The following LAMA4 variants were observed in gnomAD, a reference collection of about 807,000 sequenced individuals.
LAMA4 encodes laminin subunit alpha 4, also known as laminin subunit alpha-4.
Under a neutral mutation model 207.1 loss-of-function variants are expected in LAMA4, and 127 were observed. The ratio of observed to expected loss-of-function variants is 0.61; its 90% confidence interval spans 0.53 to 0.71. The LOEUF (loss-of-function observed/expected upper bound fraction) is 0.71. Among genes scored for constraint, LAMA4 ranks in the 30% least tolerant of loss-of-function variants. The pLI, the probability that LAMA4 is intolerant of heterozygous loss-of-function variation, is 0.00. For missense variants in LAMA4, 2,093 were observed against 2,246.5 expected, an observed-to-expected ratio of 0.93 and a Z score of 1.38; for synonymous variants, 761 against 816.0, an observed-to-expected ratio of 0.93 and a Z score of 1.15.
At chr6:112,161,248 T>C (rs1304081601) in intron 13 of LAMA4, among the ~76,000 whole-genome samples, 1 of 152,226 alleles carries the variant, frequency 6.6e-6, no homozygotes, top group Non-Finnish European at 1.5e-5. Context: ...TATTCATTCA[T>C]GTGTCAAATG....
intron 25 of LAMA4, among the ~76,000 whole-genome samples, chr6:112,134,973 T>C (rs1183070509): frequency 2.6e-5 from 4 of 152,222 alleles, no homozygotes; most frequent in South Asian, 2.1e-4. Context: ...TCAAGTCTAG[T>C]TGACATACAA....
chr6:112,254,001 C>T lies in LAMA4; in HGVS notation c.150G>A (p.Thr50=), dbSNP rs538596272. Reference sequence around the variant, plus strand: ...GTCCCAGAGCCACGCGGGGTTCGCTCGTCTCAGGCGGGTCTTGCCTGCCAA... The same window carrying T: ...GTCCCAGAGCCACGCGGGGTTCGCTTGTCTCAGGCGGGTCTTGCCTGCCAA... ...SAVGRQDPPE[T]SEPRVALGRL... The change falls in exon 2 of 39, where the codon ACG becomes ACA. Residue 50 remains threonine, a synonymous_variant. Coordinates refer to ENST00000230538, the MANE Select transcript of LAMA4 (RefSeq NM_001105206.3). The T allele has an allele frequency of 2.2e-5, 35 of 1,586,718 alleles. No homozygotes were observed. The highest frequency in any genetic ancestry group is 2.8e-5 in the Non-Finnish European group (33 of 1,165,978).
chr6:112,194,227 G>C (rs1554349887), intron 5 of LAMA4, among the ~76,000 whole-genome samples: 1 of 152,236 alleles, frequency 6.6e-6, no homozygotes, highest in African/African-American at 2.4e-5. Context: ...CGACTGAAAT[G>C]AGACTCAGAT....
intron 5 of LAMA4, among the ~76,000 whole-genome samples, chr6:112,196,906 G>A (rs1783453926): frequency 6.6e-6 from 1 of 152,180 alleles, no homozygotes; most frequent in Non-Finnish European, 1.5e-5. Context: ...ATAGACAGAG[G>A]AGGGATAAGG....
intron 12 of LAMA4, among the ~76,000 whole-genome samples, chr6:112,168,636 G>T (rs1001074593): frequency 1.3e-5 from 2 of 151,986 alleles, no homozygotes; most frequent in Non-Finnish European, 2.9e-5. Context: ...GTGAGCCACC[G>T]AGCCAGCATT....
At chr6:112,132,977 C>T (rs1583670888) in intron 27 of LAMA4, 87 bp from the exon 28 acceptor site, 1 of 1,354,046 alleles carries the variant, frequency 7.4e-7, no homozygotes, top group Non-Finnish European at 1.0e-6. Flanking sequence ...AAGGCCTTGC[C>T]TGTTAATTTC....
At position 112,254,266 on chromosome 6, in the gene LAMA4, T is replaced by A; in HGVS notation, c.-116A>T. 1 of 1,330,646 alleles carries A rather than the reference T, an allele frequency of 7.5e-7. No individual in the cohort carries two copies. The highest frequency in any genetic ancestry group is 1.4e-5 in the African/African-American group (1 of 69,510). 82.4% of individuals were successfully genotyped at this position (1,330,646 alleles called of 1,614,324 possible). A position where few individuals can be genotyped will look rare whatever the true frequency, so the allele number is the denominator to read the frequency against. The stretch of plus-strand genomic sequence containing the variant: ...TTTTCCCTCCTCTCCGTGTGCAGTA[T>A]CCCGAGGTGGCTGCGCAACCAGCAG... On this transcript the variant is annotated 5_prime_UTR_variant, in exon 2 of 39. Coordinates refer to ENST00000230538, the MANE Select transcript of LAMA4 (RefSeq NM_001105206.3).
intron 18 of LAMA4, among the ~76,000 whole-genome samples, 162 bp downstream of exon 18, chr6:112,147,995 T>C (rs1403648901): frequency 6.6e-6 from 1 of 152,212 alleles, no homozygotes; most frequent in African/African-American, 2.4e-5. Flanking sequence ...TATAGATAGA[T>C]AGATAGATGA....
intron 2 of LAMA4, among the ~76,000 whole-genome samples, chr6:112,222,221 T>C (rs1163575486): frequency 2.0e-5 from 3 of 152,218 alleles, no homozygotes; most frequent in African/African-American, 7.2e-5. Context: ...ATAATTGAAA[T>C]TCCCCACATT....
intron 19 of LAMA4, among the ~76,000 whole-genome samples, chr6:112,143,106 A>G (rs1304328966): frequency 6.6e-6 from 1 of 152,102 alleles, no homozygotes; most frequent in African/African-American, 2.4e-5. Context: ...AGTATTTACA[A>G]GTGTATGGAT....
At chr6:112,114,831 C>A in intron 36 of LAMA4, 75 bp from the exon 37 acceptor site, 1 of 1,056,632 alleles carries the variant, frequency 9.5e-7, no homozygotes, top group Admixed American at 1.7e-5. Flanking sequence ...AAATAATTTA[C>A]CACAGTGAAG....
In LAMA4 at chr6:112,155,724, T is replaced by C. The variant is rs782458633; in HGVS notation, c.1818-18A>G. 7.4e-6 allele frequency: 12 copies of C among 1,613,376 alleles called. No individual in the cohort carries two copies. The South Asian group carries it at 1.3e-4, about 18-fold the overall frequency. On this transcript the variant is annotated intron_variant, in intron 14 of 38. Transcript: ENST00000230538. ...GCAACTTCCTGTTAATAAACAAACA[T>C]TGTTATTTCTCCTTCTTACCTTCTT...
At chr6:112,200,955 A>G (rs1474257551) in intron 5 of LAMA4, among the ~76,000 whole-genome samples, 1 of 152,078 alleles carries the variant, frequency 6.6e-6, no homozygotes, top group African/African-American at 2.4e-5. Flanking sequence ...TGGGTGCAGC[A>G]AACCACCATG....
At chr6:112,213,020 G>C in intron 3 of LAMA4, among the ~76,000 whole-genome samples, 1 of 152,196 alleles carries the variant, frequency 6.6e-6, no homozygotes, top group Non-Finnish European at 1.5e-5. Flanking sequence ...AAACAAATTA[G>C]CCTTCAATAT....
intron 5 of LAMA4, among the ~76,000 whole-genome samples, chr6:112,192,430 C>T (rs562141508): frequency 2.9e-4 from 44 of 152,312 alleles, no homozygotes; most frequent in African/African-American, 7.2e-4. Context: ...GCAGGTAGTA[C>T]GCTTAGCTCC....
intron 18 of LAMA4, among the ~76,000 whole-genome samples, chr6:112,147,131 G>T (rs1562660616): frequency 6.6e-6 from 1 of 152,074 alleles, no homozygotes; most frequent in Non-Finnish European, 1.5e-5. Context: ...GATGCTTATT[G>T]GAATCACTTG....
chr6:112,177,241 A>T (rs2114890742), intron 10 of LAMA4, among the ~76,000 whole-genome samples: 1 of 152,376 alleles, frequency 6.6e-6, no homozygotes, highest in South Asian at 2.1e-4. Context: ...AGGAAACATG[A>T]CAAATGATTA....
At chr6:112,210,202 G>A (rs9487850) in intron 3 of LAMA4, among the ~76,000 whole-genome samples, 31,844 of 149,106 alleles carry the variant, frequency 0.21, 4,116 homozygotes, top group East Asian at 0.44. Flanking sequence ...TCTCAGGTAC[G>A]TCTTTTTTTT....
At chr6:112,237,118 C>T (rs765224046) in intron 2 of LAMA4, among the ~76,000 whole-genome samples, 3 of 152,132 alleles carry the variant, frequency 2.0e-5, no homozygotes, top group East Asian at 3.9e-4. Context: ...GGTTAATGAC[C>T]GAGACAAAAG....
Sources: gnomAD v4.1 joint callset for allele counts (sites outside exome capture counted in the v4.1 genomes callset) on GRCh38, gnomAD v4.1.1 for gene constraint, MANE v1.5 for transcripts, NCBI Gene and HGNC (gene_info 2026-07-23, HGNC 2026-07-21) for gene names.